The following RIMS2 variants were observed in gnomAD, a reference collection of about 807,000 sequenced individuals.
The protein encoded by RIMS2 is regulating synaptic membrane exocytosis protein 2.
Under a neutral mutation model 174.4 loss-of-function variants are expected in RIMS2, and 59 were observed. That is an observed-to-expected ratio of 0.34 (90% CI 0.27 to 0.42). The LOEUF is 0.42. Among genes scored for constraint, RIMS2 ranks in the 10% least tolerant of loss-of-function variants. RIMS2 has a pLI of 1.00. For synonymous variants in RIMS2, 606 were observed against 572.5 expected (o/e 1.06, Z -0.84); for missense variants, 1,620 against 1,666.3 (o/e 0.97, Z 0.48).
intron 19 of RIMS2, among the ~76,000 whole-genome samples, chr8:104,074,169 C>T (rs1242252096): frequency 6.6e-6 from 1 of 152,042 alleles, no homozygotes; most frequent in Non-Finnish European, 1.5e-5. Context: ...TATATGAGCT[C>T]TTCAAAAATT....
chr8:103,946,505 GA>G (rs1483170231), intron 14 of RIMS2, among the ~76,000 whole-genome samples: 2 of 151,232 alleles, frequency 1.3e-5, no homozygotes, highest in Non-Finnish European at 3.0e-5. Context: ...ACAAACAAAT[GA>G]AAAACAAAAA....
intron 2 of RIMS2, among the ~76,000 whole-genome samples, chr8:103,711,140 A>G (rs972898973): frequency 6.6e-6 from 1 of 152,142 alleles, no homozygotes; most frequent in African/African-American, 2.4e-5. Context: ...CACTTTTACA[A>G]TTGTTCTATT....
intron 19 of RIMS2, among the ~76,000 whole-genome samples, chr8:104,169,320 AT>A (rs1366286677): frequency 1.7e-5 from 1 of 58,544 alleles, no homozygotes; most frequent in African/African-American, 7.4e-5. Context: ...ATATATATAT[AT>A]ATATATATAT....
intron 3 of RIMS2, among the ~76,000 whole-genome samples, chr8:103,862,375 C>A (rs1014621072): frequency 6.6e-6 from 1 of 151,932 alleles, no homozygotes; most frequent in Non-Finnish European, 1.5e-5. Context: ...TTTATTTACC[C>A]TATTCTTGTA....
chr8:103,858,714 C>T, intron 3 of RIMS2, among the ~76,000 whole-genome samples: 1 of 139,960 alleles, frequency 7.1e-6, no homozygotes, highest in African/African-American at 2.7e-5. Context: ...TATATATACA[C>T]ATACCAATAC....
chr8:104,089,453 TG>T (rs2097594774), intron 19 of RIMS2, among the ~76,000 whole-genome samples: 1 of 151,756 alleles, frequency 6.6e-6, no homozygotes, highest in South Asian at 2.1e-4. Flanking sequence ...TTTCTGGGGG[TG>T]GGGGTTGAGT....
chr8:103,709,249 A>T (rs1395244424), intron 2 of RIMS2, among the ~76,000 whole-genome samples: 2 of 151,876 alleles, frequency 1.3e-5, no homozygotes, highest in Non-Finnish European at 2.9e-5. Context: ...GAATACAGTT[A>T]TAATTATTGT....
intron 3 of RIMS2, among the ~76,000 whole-genome samples, chr8:103,791,821 A>G (rs2098501946): frequency 1.3e-5 from 2 of 152,220 alleles, no homozygotes; most frequent in Non-Finnish European, 2.9e-5. Context: ...AAAGAGACAA[A>G]GAAGGCCATT....
At chr8:104,004,145 G>A (rs2095488049) in intron 17 of RIMS2, among the ~76,000 whole-genome samples, 1 of 152,142 alleles carries the variant, frequency 6.6e-6, no homozygotes. Flanking sequence ...ATATCTAGCA[G>A]GAACAGAGTA....
In RIMS2 at chr8:104,068,498, T is replaced by C. The variant is rs1173811446; in HGVS notation, c.3334+53883T>C. The stretch of plus-strand genomic sequence containing the variant: ...ACTGAACATTAATTTTATGGGTTTT[T>C]TTCTACTCGATAGGTACTATGGATA... On this transcript the variant is annotated intron_variant, in intron 19 of 23. Coordinates refer to ENST00000504942, the Ensembl canonical transcript of RIMS2. 1.6e-6 allele frequency: 2 copies of C among 1,219,320 alleles called. No homozygotes were observed. Among genetic ancestry groups the C allele is most frequent in the South Asian group, 1.3e-5 (1 of 74,620 alleles). The allele number at this position is 1,219,320 out of a possible 1,614,324, so 75.5% of individuals were successfully genotyped here.
intron 4 of RIMS2, among the ~76,000 whole-genome samples, chr8:103,905,989 G>T (rs571637038): frequency 6.6e-6 from 1 of 151,772 alleles, no homozygotes; most frequent in Non-Finnish European, 1.5e-5. Context: ...GAACTGGAAA[G>T]CCCAATAATA....
chr8:103,842,617 T>C (rs376691288), intron 3 of RIMS2, among the ~76,000 whole-genome samples: 17 of 152,260 alleles, frequency 1.1e-4, no homozygotes, highest in African/African-American at 3.9e-4. Flanking sequence ...GACTTATGTG[T>C]AATTGCTTTC....
intron 14 of RIMS2, among the ~76,000 whole-genome samples, chr8:103,949,124 C>CAAAAA (rs533642917): frequency 4.8e-4 from 21 of 44,092 alleles, no homozygotes; most frequent in Non-Finnish European, 5.3e-4. Flanking sequence ...GAGACTCTGT[C>CAAAAA]AAAAAAAAAA....
chr8:104,193,992 C>T (rs1397362299), intron 19 of RIMS2, among the ~76,000 whole-genome samples: 1 of 152,038 alleles, frequency 6.6e-6, no homozygotes, highest in African/African-American at 2.4e-5. Flanking sequence ...TCTAGAATAC[C>T]TCAAAGCAAG....
intron 1 of RIMS2, among the ~76,000 whole-genome samples, chr8:103,573,227 TG>T (rs1453016242): frequency 6.6e-6 from 1 of 151,584 alleles, no homozygotes; most frequent in African/African-American, 2.4e-5. Context: ...AGCTAATTTT[TG>T]TATTTTTTTT....
intron 1 of RIMS2, among the ~76,000 whole-genome samples, chr8:103,672,549 A>G (rs545020433): frequency 6.6e-6 from 1 of 151,986 alleles, no homozygotes; most frequent in South Asian, 2.1e-4. Flanking sequence ...TAGAACAGGA[A>G]GAAGAGAGGA....
In RIMS2 at chr8:104,213,888, A is replaced by AAAAGAAGAAGAAG. The variant is rs778544122; in HGVS notation, c.3335-31026_3335-31025insAGAAGAAGAAGAA. 1.8e-3 allele frequency among the ~76,000 whole-genome samples: 265 copies of AAAAGAAGAAGAAG among 148,172 alleles called. 1 individual carries two copies. The highest frequency in any genetic ancestry group is 6.5e-3 in the African/African-American group (256 of 39,270). On this transcript the variant is annotated intron_variant, in intron 19 of 23. Transcript: ENST00000504942. Reference sequence around the variant, plus strand: ...GAGACTCTGCCTCGGAAAAAAAAAAAAAGAAGAAGAAGAAGAAGAAGAAGA... The same window carrying AAAAGAAGAAGAAG: ...GAGACTCTGCCTCGGAAAAAAAAAAAAAAGAAGAAGAAGAAGAAGAAGAAGAAGAAGAAGAAGA...
chr8:104,181,364 A>G (rs114470766), intron 19 of RIMS2, among the ~76,000 whole-genome samples: 1 of 151,640 alleles, frequency 6.6e-6, no homozygotes, highest in Non-Finnish European at 1.5e-5. Flanking sequence ...GCATTCTAAG[A>G]TATTACTTGT....
intron 1 of RIMS2, 80 bp from the exon 2 acceptor site, chr8:103,652,125 C>T (rs2096462246): frequency 3.1e-6 from 2 of 640,580 alleles, no homozygotes; most frequent in Non-Finnish European, 4.8e-6. Context: ...TTTTGGTGTC[C>T]ATTTTATATG....
Sources: gnomAD v4.1 joint callset for allele counts (sites outside exome capture counted in the v4.1 genomes callset) on GRCh38, gnomAD v4.1.1 for gene constraint, MANE v1.5 for transcripts, NCBI Gene and HGNC (gene_info 2026-07-23, HGNC 2026-07-21) for gene names.